The following RPS11 variants were observed in gnomAD, a reference collection of about 807,000 sequenced individuals.
RPS11 encodes ribosomal protein S11.
For missense variants in RPS11, 127 were observed against 211.4 expected (o/e 0.60, Z 2.48); for synonymous variants, 107 against 78.0 (o/e 1.37, Z -1.96).
intron 3 of RPS11, 118 bp downstream of exon 3, chr19:49,497,713 G>A (rs1376238797): frequency 1.7e-6 from 2 of 1,156,232 alleles, no homozygotes; most frequent in East Asian, 2.3e-5. Flanking sequence ...GTAGGTCCAG[G>A]TACATTGGCA....
At chr19:49,497,099 C>G in intron 1 of RPS11, 95 bp from the exon 2 acceptor site, 1 of 1,443,096 alleles carries the variant, frequency 6.9e-7, no homozygotes, top group South Asian at 1.3e-5. Context: ...AAATGTAGAG[C>G]ATGGGGTCTG....
In RPS11 at chr19:49,497,927, C is replaced by T. The variant is rs766266630; in HGVS notation, c.234C>T (p.Thr78=). Residue 78 remains threonine, a synonymous_variant, in exon 4 of 5, where the codon ACC becomes ACT. Coordinates refer to ENST00000270625, the MANE Select transcript of RPS11 (RefSeq NM_001015.5). ...IRGRILSGVV[T]KMKMQRTIVI... ...GGCCCCCGCTCCTAGGCGTGGTGAC[C>T]AAGATGAAGATGCAGAGGACCATTG... 2 of 1,614,076 alleles carry T rather than the reference C, an allele frequency of 1.2e-6. No individual in the cohort carries two copies. The highest frequency in any genetic ancestry group is 8.5e-7 in the Non-Finnish European group (1 of 1,180,012).
chr19:49,497,154 A>C, intron 1 of RPS11, 40 bp from the exon 2 acceptor site: 5 of 1,608,894 alleles, frequency 3.1e-6, no homozygotes, highest in Non-Finnish European at 4.2e-6. Context: ...TGCCGGCTTC[A>C]AACTTAGCAG....
In RPS11 at chr19:49,497,270, A is replaced by G; in HGVS notation, c.92A>G (p.Glu31Gly). 6.2e-7 allele frequency: 1 copy of G among 1,614,164 alleles called. No homozygotes were observed. Among genetic ancestry groups the G allele is most frequent in the South Asian group, 1.1e-5 (1 of 91,080 alleles). ...KRVLLGETGK[E>G]KLPRYYKNIG... ...GTCCTGCTGGGAGAAACTGGCAAGGAGAAGCTCCCGCGGTACTACAAGAAC... is the reference window on the plus strand; with the variant it reads ...GTCCTGCTGGGAGAAACTGGCAAGGGGAAGCTCCCGCGGTACTACAAGAAC... The change falls in exon 2 of 5, where the codon GAG (glutamate) becomes GGG (glycine). Residue 31 changes from glutamate to glycine, a missense_variant. Glu to Gly is a moderately conservative substitution (Grantham distance 98, BLOSUM62 -2). Coordinates refer to ENST00000270625, the MANE Select transcript of RPS11 (RefSeq NM_001015.5).
At chr19:49,497,147 C>T (rs768376302) in intron 1 of RPS11, 47 bp from the exon 2 acceptor site, 14 of 1,606,232 alleles carry the variant, frequency 8.7e-6, no homozygotes, top group Middle Eastern at 2.2e-4. Flanking sequence ...GGTTGGCTGC[C>T]GGCTTCAAAC....
At chr19:49,496,541 A>G in intron 1 of RPS11, 70 bp downstream of exon 1, 1 of 1,504,882 alleles carries the variant, frequency 6.6e-7, no homozygotes. Context: ...CCGGGAGGGC[A>G]GAGCCCGGCG....
chr19:49,499,257 T>A (rs1463836018), intron 4 of RPS11, among the ~76,000 whole-genome samples: 1 of 152,134 alleles, frequency 6.6e-6, no homozygotes. Context: ...GCCTCCAGTT[T>A]GCTTGTGAAA....
At chr19:49,497,483 C>A (rs774610569) in intron 2 of RPS11, 37 bp from the exon 3 acceptor site, 53 of 1,608,476 alleles carry the variant, frequency 3.3e-5, no homozygotes, top group Admixed American at 1.0e-4. Context: ...GAACCGCCCG[C>A]CCAAGGCTCA....
intron 4 of RPS11, 148 bp from the exon 5 acceptor site, chr19:49,499,364 G>C (rs1348350166): frequency 1.3e-6 from 1 of 796,230 alleles, no homozygotes; most frequent in African/African-American, 1.7e-5. Flanking sequence ...TACGAAAGGA[G>C]GGGACAGGTT....
intron 4 of RPS11, chr19:49,498,299 G>T (rs1285816660): frequency 4.0e-6 from 2 of 505,720 alleles, no homozygotes; most frequent in African/African-American, 3.9e-5. Flanking sequence ...TTTTGGGGAT[G>T]TGACATAGGT....
chr19:49,498,325 A>C (rs1013034660), intron 4 of RPS11: 1 of 452,100 alleles, frequency 2.2e-6, no homozygotes, highest in Non-Finnish European at 4.1e-6. Context: ...CAAGAAGCTC[A>C]TTTGTTTCAT....
In RPS11 at chr19:49,497,191, T is replaced by C. The variant is rs371051148; in HGVS notation, c.16-3T>C. On this transcript the variant is annotated splice_region_variant and splice_polypyrimidine_tract_variant and intron_variant, in intron 1 of 4. Transcript: ENST00000270625. ...TCATCAGTTTTCTCCTCATAATCTG[T>C]AGACTGAGCGTGCCTACCAAAAGCA... The C allele has an allele frequency of 6.2e-7, 1 of 1,613,444 alleles. No individual in the cohort carries two copies. Among genetic ancestry groups the C allele is most frequent in the African/African-American group, 1.3e-5 (1 of 74,852 alleles).
chr19:49,497,262 T>G lies in RPS11; in HGVS notation c.84T>G (p.Thr28=). 6.2e-7 allele frequency: 1 copy of G among 1,614,076 alleles called. No individual in the cohort carries two copies. The highest frequency in any genetic ancestry group is 8.5e-7 in the Non-Finnish European group (1 of 1,180,006). The change falls in exon 2 of 5, where the codon ACT becomes ACG. Residue 28 remains threonine, a synonymous_variant. Transcript: ENST00000270625. ...QNKKRVLLGE[T]GKEKLPRYYK... ...AGAAGAGGGTCCTGCTGGGAGAAAC[T>G]GGCAAGGAGAAGCTCCCGCGGTACT... is the stretch of plus-strand genomic sequence containing the variant.
At chr19:49,496,497 G>T in intron 1 of RPS11, 26 bp downstream of exon 1, 1 of 1,606,088 alleles carries the variant, frequency 6.2e-7, no homozygotes, top group Non-Finnish European at 8.5e-7. Flanking sequence ...TGGATGCCAG[G>T]GTGCGGGGTC....
Position 49,498,008 on chromosome 19 carries a change from C to T in RPS11, c.315C>T (p.Arg105=). ...YIRKYNRFEK[R]HKNMSVHLSP... ...GCAAGTACAACCGCTTCGAGAAGCG[C>T]CACAAGAACATGTCTGTACACCTGT... The change falls in exon 4 of 5, where the codon CGC becomes CGT. Residue 105 remains arginine (R), a synonymous_variant. Transcript: ENST00000270625. 1 of 1,613,488 alleles carries T rather than the reference C, an allele frequency of 6.2e-7. No individual in the cohort carries two copies. Among genetic ancestry groups the T allele is most frequent in the Non-Finnish European group, 8.5e-7 (1 of 1,180,010 alleles).
At position 49,497,060 on chromosome 19, in the gene RPS11, C is replaced by T; in HGVS notation, c.16-134C>T. Reference sequence around the variant, plus strand: ...GTCTTAGAGGGTGATTCTGGGGCACCAGGCCTTGGACGCCGGCGCTTTGCA... The same window carrying T: ...GTCTTAGAGGGTGATTCTGGGGCACTAGGCCTTGGACGCCGGCGCTTTGCA... On this transcript the variant is annotated intron_variant, in intron 1 of 4. Coordinates refer to ENST00000270625, the MANE Select transcript of RPS11 (RefSeq NM_001015.5). 7.2e-6 allele frequency: 7 copies of T among 978,324 alleles called. No individual in the cohort carries two copies. In the South Asian group the frequency reaches 1.2e-4, roughly 16 times the overall value. 60.6% of individuals were successfully genotyped at this position (978,324 alleles called of 1,614,324 possible).
At chr19:49,497,856 C>T in intron 3 of RPS11, 61 bp from the exon 4 acceptor site, 1 of 1,611,074 alleles carries the variant, frequency 6.2e-7, no homozygotes. Flanking sequence ...CCAGCATGCC[C>T]TGGGTTACCT....
Position 49,499,573 on chromosome 19 carries a change from C to T in RPS11, c.415C>T (p.Arg139Cys), listed in dbSNP as rs11549537. Reference sequence around the variant, plus strand: ...GTGCCGGCCTCTGAGCAAGACAGTGCGCTTCAACGTGCTCAAGGTCACCAA... The same window carrying T: ...GTGCCGGCCTCTGAGCAAGACAGTGTGCTTCAACGTGCTCAAGGTCACCAA... ...GECRPLSKTV[R>C]FNVLKVTKAA... is the part of the protein sequence containing the mutation. Residue 139 changes from arginine to cysteine, a missense_variant, in exon 5 of 5, where the codon CGC becomes TGC. Coordinates refer to ENST00000270625, the MANE Select transcript of RPS11 (RefSeq NM_001015.5). 6.2e-7 allele frequency: 1 copy of T among 1,613,996 alleles called. No homozygotes were observed. The highest frequency in any genetic ancestry group is 8.5e-7 in the Non-Finnish European group (1 of 1,179,916).
Position 49,497,310 on chromosome 19 carries a change from C to T in RPS11, c.132C>T (p.Phe44=). 6.2e-7 allele frequency: 1 copy of T among 1,614,132 alleles called. No homozygotes were observed. Among genetic ancestry groups the T allele is most frequent in the Admixed American group, 1.7e-5 (1 of 60,014 alleles). Residue 44 remains phenylalanine (F), a synonymous_variant, in exon 2 of 5, where the codon TTC becomes TTT. Transcript: ENST00000270625. ...PRYYKNIGLG[F]KTPKEAIEGT... ...ACTACAAGAACATCGGTCTGGGCTT[C>T]AAGACACCCAAGGAGGTGCGGGGAA...
Sources: allele counts gnomAD v4.1 joint callset (sites outside exome capture counted in the v4.1 genomes callset), GRCh38; gene constraint gnomAD v4.1.1; transcripts MANE v1.5; gene names NCBI Gene and HGNC (gene_info 2026-07-23, HGNC 2026-07-21).